SFI1: variants seen among roughly 807,000 people sequenced by gnomAD.
SFI1 encodes the protein SFI1 centrin binding protein, also known as protein SFI1 homolog.
A neutral mutation model predicts 207.5 loss-of-function variants in SFI1; 195 were observed. The observed-to-expected ratio is 0.94, with a 90% confidence interval of 0.84 to 1.06. SFI1 has a LOEUF of 1.06. SFI1 is among the 50% of genes least tolerant of loss of function. The probability of loss-of-function intolerance (pLI) is 0.00; values close to 1 mark genes in which losing one functional copy is unlikely to be tolerated. For missense variants in SFI1, 1,634 were observed against 1,588.0 expected (o/e 1.03, Z -0.49); for synonymous variants, 630 against 598.9 (o/e 1.05, Z -0.76).
intron 22 of SFI1, among the ~76,000 whole-genome samples, 180 bp downstream of exon 22, chr22:31,608,213 G>A (rs1232335036): frequency 6.6e-6 from 1 of 152,148 alleles, no homozygotes; most frequent in African/African-American, 2.4e-5. Context: ...TCTCAGTTCT[G>A]GAGGCTGGCA....
chr22:31,497,357 C>T (rs1385724004), intron 1 of SFI1: 1 of 152,168 alleles, frequency 6.6e-6, no homozygotes, highest in Non-Finnish European at 1.5e-5. Context: ...TGGTAACTAT[C>T]GCTATATTTC....
intron 8 of SFI1, among the ~76,000 whole-genome samples, chr22:31,567,577 GT>G (rs892887564): frequency 1.3e-4 from 20 of 151,216 alleles, no homozygotes; most frequent in South Asian, 4.2e-4. Flanking sequence ...GAGGGGGGGG[GT>G]GTGTGTGTCT....
At chr22:31,609,277 C>T (rs1416570529) in intron 22 of SFI1, among the ~76,000 whole-genome samples, 5 of 152,042 alleles carry the variant, frequency 3.3e-5, no homozygotes, top group African/African-American at 4.8e-5. Context: ...GGATTACAGG[C>T]GTGAGCCACT....
Position 31,602,231 on chromosome 22 carries a change from G to C in SFI1, c.1564G>C (p.Val522Leu). The change falls in exon 16 of 33, where the codon GTA (valine) becomes CTA (leucine). Residue 522 changes from valine to leucine, a missense_variant. Physicochemically the swap from Val to Leu is conservative, Grantham distance 32. Transcript: ENST00000400288. ...TTTTAGGGAGACATTAGAGAAGCAAGTATTTTCTCTCTGGAGGCAGAAGAT... is the reference window on the plus strand; with the variant it reads ...TTTTAGGGAGACATTAGAGAAGCAACTATTTTCTCTCTGGAGGCAGAAGAT... ...RFHRETLEKQ[V>L]FSLWRQKMFQ... 6.2e-7 allele frequency: 1 copy of C among 1,613,992 alleles called. No individual in the cohort carries two copies. Among genetic ancestry groups the C allele is most frequent in the Non-Finnish European group, 8.5e-7 (1 of 1,179,866 alleles).
At chr22:31,524,854 G>A (rs2057724939) in intron 2 of SFI1, among the ~76,000 whole-genome samples, 1 of 151,878 alleles carries the variant, frequency 6.6e-6, no homozygotes, top group Non-Finnish European at 1.5e-5. Context: ...GAGTGCAGTG[G>A]TACAAATTTG....
At chr22:31,561,119 G>A (rs1018535118) in intron 7 of SFI1, among the ~76,000 whole-genome samples, 171 bp from the exon 8 acceptor site, 1 of 152,162 alleles carries the variant, frequency 6.6e-6, no homozygotes, top group African/African-American at 2.4e-5. Context: ...GGCAGATCTG[G>A]GACTTTTTCT....
chr22:31,613,093 G>T, intron 24 of SFI1, 49 bp from the exon 25 acceptor site: 2 of 1,591,702 alleles, frequency 1.3e-6, no homozygotes. Context: ...GATCACCACG[G>T]CCTCCTTGAA....
intron 21 of SFI1, 123 bp downstream of exon 21, chr22:31,606,553 C>T (rs1355654206): frequency 8.6e-6 from 6 of 696,914 alleles, no homozygotes; most frequent in African/African-American, 1.8e-5. Flanking sequence ...AAATGGGTAA[C>T]TTTCCTCCAG....
intron 19 of SFI1, 107 bp from the exon 20 acceptor site, chr22:31,604,762 G>T: frequency 4.0e-6 from 4 of 1,006,542 alleles, no homozygotes; most frequent in Admixed American, 2.7e-5. Flanking sequence ...TACCCTTTTT[G>T]AGTTCTCTGG....
intron 1 of SFI1, among the ~76,000 whole-genome samples, chr22:31,498,876 G>A (rs1299083075): frequency 1.6e-5 from 1 of 62,500 alleles, no homozygotes; most frequent in African/African-American, 6.9e-5. Context: ...TTTTTTTTTT[G>A]AGATGGAGTT....
In SFI1 at chr22:31,583,863, C is replaced by G; in HGVS notation, c.1249-12C>G. On this transcript the variant is annotated splice_polypyrimidine_tract_variant and intron_variant, in intron 12 of 32. Transcript: ENST00000400288. ...CTCAGTACATTTCCATCTTCTTCCT[C>G]CCTTGCTTTAGCTGCTGCACAGGTT... 1.2e-6 allele frequency: 2 copies of G among 1,611,776 alleles called. No individual in the cohort carries two copies. Among genetic ancestry groups the G allele is most frequent in the Middle Eastern group, 1.7e-4 (1 of 6,050 alleles).
At chr22:31,602,038 G>A (rs1177543030) in intron 15 of SFI1, among the ~76,000 whole-genome samples, 174 bp from the exon 16 acceptor site, 1 of 152,028 alleles carries the variant, frequency 6.6e-6, no homozygotes, top group Non-Finnish European at 1.5e-5. Context: ...TCCTGCCTTG[G>A]CCTCCCAAAG....
At chr22:31,518,433 T>A (rs1164348688) in intron 2 of SFI1, among the ~76,000 whole-genome samples, 1 of 152,208 alleles carries the variant, frequency 6.6e-6, no homozygotes, top group Non-Finnish European at 1.5e-5. Context: ...TGTGATGCCA[T>A]TTGAAAATAG....
chr22:31,617,497 C>T (rs944403848), intron 31 of SFI1, among the ~76,000 whole-genome samples: 11 of 152,112 alleles, frequency 7.2e-5, no homozygotes, highest in African/African-American at 2.7e-4. Context: ...GTGATCCAGG[C>T]AGATCACGGG....
intron 22 of SFI1, among the ~76,000 whole-genome samples, chr22:31,608,317 G>A (rs983654896): frequency 6.6e-6 from 1 of 152,114 alleles, no homozygotes; most frequent in Admixed American, 6.5e-5. Context: ...TGCTTGTCAT[G>A]GCTTTCCTGG....
Position 31,615,161 on chromosome 22 carries a change from C to A in SFI1, c.3182C>A (p.Pro1061His). Residue 1061 changes from proline (P) to histidine (H), a missense_variant, in exon 29 of 33, where the codon CCT becomes CAT. Physicochemically the swap from Pro to His is moderately conservative, Grantham distance 77. Transcript: ENST00000400288. ...GCACTGGTCCCACACAGCCCCCTGC[C>A]TGGGGCCCTGTCAAGCGCCCCTGGC... ...PTALVPHSPL[P>H]GALSSAPGPK... The A allele has an allele frequency of 6.2e-7, 1 of 1,606,364 alleles. No homozygotes were observed. The highest frequency in any genetic ancestry group is 8.5e-7 in the Non-Finnish European group (1 of 1,177,176).
intron 5 of SFI1, 33 bp downstream of exon 5, chr22:31,547,004 C>A: frequency 7.2e-7 from 1 of 1,381,402 alleles, no homozygotes; most frequent in Non-Finnish European, 1.0e-6. Flanking sequence ...TTCAGTTTTA[C>A]TGATGCACAT....
intron 10 of SFI1, among the ~76,000 whole-genome samples, chr22:31,577,502 G>C (rs1453354374): frequency 6.6e-6 from 1 of 152,084 alleles, no homozygotes; most frequent in African/African-American, 2.4e-5. Flanking sequence ...TGAACTCCTG[G>C]GCTTAAGCAA....
Position 31,618,458 on chromosome 22 carries a change from A to G in SFI1, c.*40A>G. Reference sequence around the variant, plus strand: ...GAACGCAGGTGCTGGGCTGTCGGGGAGGCCTCAGGCCACCTCCAGGAACAG... The same window carrying G: ...GAACGCAGGTGCTGGGCTGTCGGGGGGGCCTCAGGCCACCTCCAGGAACAG... On this transcript the variant is annotated 3_prime_UTR_variant, in exon 33 of 33. Coordinates refer to ENST00000400288, the MANE Select transcript of SFI1 (RefSeq NM_001007467.3). 1 of 1,480,060 alleles carries G rather than the reference A, an allele frequency of 6.8e-7. No individual in the cohort carries two copies. The highest frequency in any genetic ancestry group is 9.0e-7 in the Non-Finnish European group (1 of 1,113,340). The allele number at this position is 1,480,060 out of a possible 1,614,324, so 91.7% of individuals were successfully genotyped here.
Sources: allele counts gnomAD v4.1 joint callset (sites outside exome capture counted in the v4.1 genomes callset), GRCh38; gene constraint gnomAD v4.1.1; transcripts MANE v1.5; gene names NCBI Gene and HGNC (gene_info 2026-07-23, HGNC 2026-07-21).